Variants in PIP5K1B observed in about 807,000 individuals in gnomAD.
PIP5K1B encodes the protein phosphatidylinositol 4-phosphate 5-kinase type-1 beta.
Under a neutral mutation model 67.0 loss-of-function variants are expected in PIP5K1B, and 42 were observed. That is an observed-to-expected ratio of 0.63 (90% CI 0.49 to 0.81). The LOEUF is 0.81. PIP5K1B is among the 30% of genes least tolerant of loss of function. The pLI is 0.00. For synonymous variants in PIP5K1B, 214 were observed against 231.4 expected (o/e 0.92, Z 0.68); for missense variants, 459 against 646.3 (o/e 0.71, Z 3.14).
At chr9:68,962,865 G>C (rs557070542) in intron 14 of PIP5K1B, among the ~76,000 whole-genome samples, 3 of 152,242 alleles carry the variant, frequency 2.0e-5, no homozygotes, top group Non-Finnish European at 4.4e-5. Flanking sequence ...ATTCTAAATT[G>C]TCTCCTTCTC....
At position 68,905,227 on chromosome 9, in the gene PIP5K1B, G is replaced by C. The variant is rs138514198; in HGVS notation, c.771+10589G>C. 2.9e-3 allele frequency among the ~76,000 whole-genome samples: 447 copies of C among 152,208 alleles called. 1 individual carries two copies. The highest frequency in any genetic ancestry group is 0.01 in the African/African-American group (422 of 41,540). On this transcript the variant is annotated intron_variant, in intron 8 of 15. Transcript: ENST00000265382. ...CCCAAGGACCCCTCTTCTCCTCCCTGTTGAGAATCCTGGGAGTGCAGAGAG... is the reference window on the plus strand; with the variant it reads ...CCCAAGGACCCCTCTTCTCCTCCCTCTTGAGAATCCTGGGAGTGCAGAGAG...
intron 4 of PIP5K1B, among the ~76,000 whole-genome samples, chr9:68,840,234 G>A (rs1043735747): frequency 5.3e-5 from 8 of 151,976 alleles, no homozygotes; most frequent in East Asian, 1.9e-4. Context: ...AAAATTAGCC[G>A]GGCATGGTGG....
chr9:68,993,331 T>C (rs1488216687), intron 15 of PIP5K1B, among the ~76,000 whole-genome samples: 2 of 152,294 alleles, frequency 1.3e-5, no homozygotes, highest in Admixed American at 1.3e-4. Flanking sequence ...CTTTTGTGTT[T>C]GCCATTCCTG....
chr9:68,722,361 C>T (rs1169321333), intron 1 of PIP5K1B, among the ~76,000 whole-genome samples: 5 of 152,002 alleles, frequency 3.3e-5, no homozygotes, highest in African/African-American at 7.3e-5. Flanking sequence ...CCTGCCTCCG[C>T]GCCAGGCTAA....
chr9:68,804,297 G>A (rs1055876294), intron 2 of PIP5K1B, among the ~76,000 whole-genome samples: 2 of 152,152 alleles, frequency 1.3e-5, no homozygotes, highest in African/African-American at 4.8e-5. Flanking sequence ...AGACAGGTAT[G>A]TGTTGTGGGG....
intron 4 of PIP5K1B, among the ~76,000 whole-genome samples, chr9:68,828,637 C>G (rs951674282): frequency 2.6e-5 from 4 of 152,204 alleles, no homozygotes; most frequent in African/African-American, 9.7e-5. Flanking sequence ...AAGATAATAG[C>G]TCAGAGACAC....
At chr9:68,724,265 C>T (rs1350015032) in intron 1 of PIP5K1B, among the ~76,000 whole-genome samples, 1 of 150,046 alleles carries the variant, frequency 6.7e-6, no homozygotes, top group Non-Finnish European at 1.5e-5. Flanking sequence ...TTTGTTTTAG[C>T]CAGTACCATG....
intron 6 of PIP5K1B, 117 bp from the exon 7 acceptor site, chr9:68,888,864 C>A: frequency 1.5e-6 from 1 of 668,234 alleles, no homozygotes; most frequent in Non-Finnish European, 2.6e-6. Flanking sequence ...CTTTTAAAGC[C>A]CGTAGAGAGG....
chr9:68,722,555 T>C (rs1827942792), intron 1 of PIP5K1B, among the ~76,000 whole-genome samples: 1 of 152,022 alleles, frequency 6.6e-6, no homozygotes. Context: ...CCTGCTACTT[T>C]TTTTTTCCCT....
intron 2 of PIP5K1B, among the ~76,000 whole-genome samples, chr9:68,743,267 A>G (rs1429387834): frequency 2.0e-5 from 3 of 151,390 alleles, no homozygotes; most frequent in African/African-American, 2.4e-5. Context: ...AGAGTGGCAC[A>G]ACTATAGCTC....
chr9:68,895,965 CTT>C (rs1355864482), intron 8 of PIP5K1B, among the ~76,000 whole-genome samples: 1 of 152,044 alleles, frequency 6.6e-6, no homozygotes, highest in African/African-American at 2.4e-5. Context: ...AAGGCATGTG[CTT>C]CTAACAACTA....
intron 1 of PIP5K1B, among the ~76,000 whole-genome samples, chr9:68,710,406 T>A (rs1424724449): frequency 6.6e-6 from 1 of 152,210 alleles, no homozygotes; most frequent in African/African-American, 2.4e-5. Context: ...ACTTTAAACT[T>A]AATTTATGAT....
chr9:68,835,861 G>A (rs1428420792), intron 4 of PIP5K1B, among the ~76,000 whole-genome samples: 3 of 130,702 alleles, frequency 2.3e-5, no homozygotes, highest in Admixed American at 1.6e-4. Context: ...TTTGCTTTCC[G>A]TCATATTAAA....
At chr9:69,003,889 C>T (rs1830942463) in intron 15 of PIP5K1B, among the ~76,000 whole-genome samples, 1 of 152,174 alleles carries the variant, frequency 6.6e-6, no homozygotes, top group Admixed American at 6.5e-5. Context: ...GTACAGTCAG[C>T]CCCCTAGAAA....
At chr9:68,865,980 C>G (rs892522591) in intron 5 of PIP5K1B, among the ~76,000 whole-genome samples, 1 of 152,188 alleles carries the variant, frequency 6.6e-6, no homozygotes, top group African/African-American at 2.4e-5. Context: ...TTTTTAAAAG[C>G]ATCTTAAATG....
chr9:68,899,518 G>T (rs2132433234), intron 8 of PIP5K1B, among the ~76,000 whole-genome samples: 1 of 152,282 alleles, frequency 6.6e-6, no homozygotes, highest in South Asian at 2.1e-4. Context: ...TGATTTTTGT[G>T]TATCTAGCTA....
At chr9:68,867,806 C>T (rs1269270686) in intron 5 of PIP5K1B, among the ~76,000 whole-genome samples, 1 of 152,172 alleles carries the variant, frequency 6.6e-6, no homozygotes, top group Non-Finnish European at 1.5e-5. Flanking sequence ...TGGTTGTAAG[C>T]ATCCAAAACA....
intron 14 of PIP5K1B, among the ~76,000 whole-genome samples, chr9:68,981,625 T>G (rs1241764501): frequency 1.3e-5 from 2 of 152,208 alleles, no homozygotes; most frequent in East Asian, 3.8e-4. Context: ...TAGTACCATA[T>G]GTTCCCTCAA....
At chr9:68,856,144 A>G (rs1357491828) in intron 4 of PIP5K1B, among the ~76,000 whole-genome samples, 1 of 152,110 alleles carries the variant, frequency 6.6e-6, no homozygotes, top group Non-Finnish European at 1.5e-5. Flanking sequence ...AGGATGGCCT[A>G]TAAGACCCAG....
Sources: allele counts gnomAD v4.1 joint callset (sites outside exome capture counted in the v4.1 genomes callset), GRCh38; gene constraint gnomAD v4.1.1; transcripts MANE v1.5; gene names NCBI Gene and HGNC (gene_info 2026-07-23, HGNC 2026-07-21).